Variants in PPCS observed in about 807,000 individuals in gnomAD.
PPCS encodes phosphopantothenoylcysteine synthetase.
PPCS carries 17 observed loss-of-function variants against 24.6 expected under a neutral mutation model. That is an observed-to-expected ratio of 0.69 (90% CI 0.47 to 1.04). PPCS has a LOEUF of 1.04. PPCS is among the 50% of genes least tolerant of loss of function. The probability of loss-of-function intolerance (pLI) is 0.00; values close to 1 mark genes in which losing one functional copy is unlikely to be tolerated. For missense variants in PPCS, 360 were observed against 402.8 expected, an observed-to-expected ratio of 0.89 and a Z score of 0.91; for synonymous variants, 190 against 168.3, an observed-to-expected ratio of 1.13 and a Z score of -1.00.
chr1:42,456,439 A>G, upstream of PPCS: 4 of 1,001,308 alleles, frequency 4.0e-6, no homozygotes, highest in Non-Finnish European at 5.6e-6. Flanking sequence ...CGAGATCGGG[A>G]CCTAGTGTCA....
At chr1:42,472,689 T>A (rs1643811002) in intron 2 of PPCS, among the ~76,000 whole-genome samples, 1 of 152,104 alleles carries the variant, frequency 6.6e-6, no homozygotes, top group Admixed American at 6.5e-5. Context: ...AAGTATATCA[T>A]GTCATTTGTT....
At chr1:42,458,488 G>C (rs942642199) in intron 2 of PPCS, among the ~76,000 whole-genome samples, 2 of 152,208 alleles carry the variant, frequency 1.3e-5, no homozygotes, top group East Asian at 3.9e-4. Flanking sequence ...GTAGGACTTA[G>C]AGATGAAAGC....
chr1:42,457,196 T>C, intron 1 of PPCS, 51 bp from the exon 2 acceptor site: 2 of 1,611,796 alleles, frequency 1.2e-6, no homozygotes, highest in Middle Eastern at 3.3e-4. Context: ...AAGGAGCTGA[T>C]CCTATATCGT....
chr1:42,458,602 AAAAT>A (rs1387205456), intron 2 of PPCS, among the ~76,000 whole-genome samples: 13 of 152,240 alleles, frequency 8.5e-5, no homozygotes, highest in Non-Finnish European at 1.5e-4. Context: ...GCTAAGGAGA[AAAAT>A]AAAGTATAAA....
intron 2 of PPCS, 143 bp from the exon 3 acceptor site, chr1:42,459,459 TA>T: frequency 1.3e-6 from 1 of 760,984 alleles, no homozygotes. Flanking sequence ...TGTGTTCCCC[TA>T]AGACTTTTTA....
chr1:42,466,863 TCTTATGTAC>T (rs1311416290), intron 2 of PPCS, among the ~76,000 whole-genome samples: 1 of 152,220 alleles, frequency 6.6e-6, no homozygotes, highest in East Asian at 1.9e-4. Flanking sequence ...AGAATAGTAT[TCTTATGTAC>T]TTTGTTGTGT....
At position 42,456,655 on chromosome 1, in the gene PPCS, G is replaced by C. The variant is rs1295808778; in HGVS notation, c.90G>C (p.Leu30=). The change falls in exon 1 of 3, where the codon CTG becomes CTC. Residue 30 remains leucine (L), a synonymous_variant. Coordinates refer to ENST00000372561, the MANE Select transcript of PPCS (RefSeq NM_024664.4). ...TTATGGCTCGCTTCGCGGCCAGGCT[G>C]GGCGCGCAGGGCCGGCGGGTGGTGT... ...AEVMARFAAR[L]GAQGRRVVLV... is the part of the protein sequence containing the mutation. 1 of 1,598,054 alleles carries C rather than the reference G, an allele frequency of 6.3e-7. No individual in the cohort carries two copies. Among genetic ancestry groups the C allele is most frequent in the South Asian group, 1.1e-5 (1 of 89,200 alleles).
chr1:42,460,014 A>G lies in PPCS; in HGVS notation c.*88A>G, dbSNP rs960008686. ...AAAAAACCATGGCTTTCATATGGAC[A>G]GATAAAATGAAAGAAAGGGAAAAGG... On this transcript the variant is annotated 3_prime_UTR_variant, in exon 3 of 3. Coordinates refer to ENST00000372561, the MANE Select transcript of PPCS (RefSeq NM_024664.4). The G allele has an allele frequency of 3.4e-6, 5 of 1,473,420 alleles. No individual in the cohort carries two copies. In the Admixed American group the frequency reaches 1.0e-4, roughly 30 times the overall value. The allele number at this position is 1,473,420 out of a possible 1,614,324, so 91.3% of individuals were successfully genotyped here.
chr1:42,462,326 A>T (rs1001727637), downstream of PPCS, among the ~76,000 whole-genome samples: 1 of 152,182 alleles, frequency 6.6e-6, no homozygotes, highest in African/African-American at 2.4e-5. Context: ...ATGGAGGATC[A>T]AGGAATGTCT....
In PPCS at chr1:42,472,384, A is replaced by G. The variant is rs12096095; in HGVS notation, n.378-738A>G. ...TTACTTGCAACCTAAAAAAATTGAT[A>G]TTGATAGCAGGCTTAGACCAAGAAG... is the stretch of plus-strand genomic sequence containing the variant. On this transcript the variant is annotated intron_variant and non_coding_transcript_variant, in intron 2 of 2. Transcript: ENST00000471420. Among the ~76,000 whole-genome samples the G allele has an allele frequency of 6.6e-3, 1,010 of 152,366 alleles. 5 individuals carry two copies. The highest frequency in any genetic ancestry group is 0.019 in the African/African-American group (786 of 41,582).
chr1:42,467,023 AG>A (rs1348476121), intron 2 of PPCS, among the ~76,000 whole-genome samples: 1 of 152,230 alleles, frequency 6.6e-6, no homozygotes, highest in Admixed American at 6.5e-5. Context: ...GGGATCTCAT[AG>A]CACCATTCCA....
In PPCS at chr1:42,457,051, G is replaced by A. The variant is rs1643227470; in HGVS notation, c.486G>A (p.Ala162=). Residue 162 remains alanine, a synonymous_variant, in exon 1 of 3, where the codon GCG becomes GCA. Transcript: ENST00000372561. ...ACTATTTGCATCTGTTGCAGGCTGC[G>A]GCCCAGGCACTCAATCCGCTAGGTG... ...LADYLHLLQA[A]AQALNPLGPS... is the part of the protein sequence containing the mutation. The A allele has an allele frequency of 6.3e-7, 1 of 1,598,972 alleles. No individual in the cohort carries two copies. Among genetic ancestry groups the A allele is most frequent in the Admixed American group, 1.7e-5 (1 of 59,708 alleles).
intron 2 of PPCS, chr1:42,468,659 G>T (rs1643668239): frequency 6.6e-6 from 1 of 152,252 alleles, no homozygotes; most frequent in Admixed American, 6.5e-5. Flanking sequence ...ACTTCTTCTA[G>T]ATTGATCTGG....
At chr1:42,465,711 T>C (rs948368892), downstream of PPCS, among the ~76,000 whole-genome samples, 4 of 152,184 alleles carry the variant, frequency 2.6e-5, no homozygotes, top group African/African-American at 9.7e-5. Context: ...TTTTGCCCCC[T>C]GTGAGACATT....
chr1:42,458,189 A>G (rs1009005542), intron 2 of PPCS, among the ~76,000 whole-genome samples: 1 of 152,202 alleles, frequency 6.6e-6, no homozygotes, highest in East Asian at 1.9e-4. Context: ...TAAGGGACAC[A>G]TAAGTAGGAG....
chr1:42,458,901 G>A (rs895183809), intron 2 of PPCS, among the ~76,000 whole-genome samples: 1 of 152,206 alleles, frequency 6.6e-6, no homozygotes, highest in Non-Finnish European at 1.5e-5. Flanking sequence ...TTCTACCAAT[G>A]CAAGAAATAT....
chr1:42,457,216 A>G, intron 1 of PPCS, 31 bp from the exon 2 acceptor site: 1 of 1,613,456 alleles, frequency 6.2e-7, no homozygotes, highest in Non-Finnish European at 8.5e-7. Context: ...TACCTCGCCG[A>G]TTTGTTAACA....
At chr1:42,457,968 A>AC (rs1334446890) in intron 2 of PPCS, among the ~76,000 whole-genome samples, 1 of 151,604 alleles carries the variant, frequency 6.6e-6, no homozygotes, top group Non-Finnish European at 1.5e-5. Flanking sequence ...AAAAAAAAAA[A>AC]AACACCAAAA....
In PPCS at chr1:42,460,886, A is replaced by G. The variant is rs1447721414; in HGVS notation, c.*960A>G. 1.3e-5 allele frequency among the ~76,000 whole-genome samples: 2 copies of G among 152,244 alleles called. No homozygotes were observed. The highest frequency in any genetic ancestry group is 1.3e-4 in the Admixed American group (2 of 15,278). ...GATTCACACTCACTAAATGGTTGCA[A>G]TTATTGTTTTTCTCACTTAGCAAAG... On this transcript the variant is annotated 3_prime_UTR_variant, in exon 3 of 3. Transcript: ENST00000372561.
Sources: gnomAD v4.1 joint callset for allele counts (sites outside exome capture counted in the v4.1 genomes callset) on GRCh38, gnomAD v4.1.1 for gene constraint, MANE v1.5 for transcripts, NCBI Gene and HGNC (gene_info 2026-07-23, HGNC 2026-07-21) for gene names.